Variants in PPP6R2 observed in about 807,000 individuals in gnomAD.
PPP6R2 encodes protein phosphatase 6 regulatory subunit 2.
Under a neutral mutation model 100.2 loss-of-function variants are expected in PPP6R2, and 62 were observed. The ratio of observed to expected loss-of-function variants is 0.62; its 90% CI spans 0.50 to 0.76. PPP6R2 has a LOEUF of 0.76. Among genes scored for constraint, PPP6R2 ranks in the 30% least tolerant of loss-of-function variants. PPP6R2 has a pLI of 0.00. For missense variants in PPP6R2, 1,142 were observed against 1,276.3 expected (o/e 0.89, Z 1.60); for synonymous variants, 525 against 514.7 (o/e 1.02, Z -0.27).
At chr22:50,422,101 C>T (rs1458385870) in intron 8 of PPP6R2, among the ~76,000 whole-genome samples, 153 bp from the exon 9 acceptor site, 3 of 152,152 alleles carry the variant, frequency 2.0e-5, no homozygotes, top group African/African-American at 2.4e-5. Context: ...CACCAGATCA[C>T]GTGTGGAGAC....
At chr22:50,339,001 GTA>G (rs1251155664), upstream of PPP6R2, among the ~76,000 whole-genome samples, 2 of 114,946 alleles carry the variant, frequency 1.7e-5, no homozygotes, top group African/African-American at 8.8e-5. Context: ...AGTATGTGTG[GTA>G]TGTGGTGTGT....
intron 4 of PPP6R2, among the ~76,000 whole-genome samples, chr22:50,411,797 G>A (rs571530114): frequency 5.7e-4 from 86 of 151,822 alleles, no homozygotes; most frequent in Non-Finnish European, 9.7e-4. Context: ...TGTAATCCCA[G>A]CACTTTGGGA....
chr22:50,369,612 C>T (rs2049549568), intron 1 of PPP6R2, among the ~76,000 whole-genome samples: 1 of 152,126 alleles, frequency 6.6e-6, no homozygotes, highest in African/African-American at 2.4e-5. Flanking sequence ...CTCCAGGGTT[C>T]AAGCAATTCT....
chr22:50,439,621 G>A lies in PPP6R2; in HGVS notation c.2129-80G>A, dbSNP rs530898808. On this transcript the variant is annotated intron_variant, in intron 19 of 23. Coordinates refer to ENST00000612753, the MANE Select transcript of PPP6R2 (RefSeq NM_001242898.2). ...TCCTGTCAACCTCTGAGGGGCTCCC[G>A]GGGCAGGGGCGCTGCCTCCCCTTTG... The A allele has an allele frequency of 1.1e-3, 1,564 of 1,426,070 alleles. 4 individuals carry two copies. Among genetic ancestry groups the A allele is most frequent in the Non-Finnish European group, 1.3e-3 (1,375 of 1,079,264 alleles). 88.3% of individuals were successfully genotyped at this position (1,426,070 alleles called of 1,614,324 possible). A position where few individuals can be genotyped will look rare whatever the true frequency, so the allele number is the denominator to read the frequency against.
At chr22:50,433,396 T>G (rs1603398469) in intron 12 of PPP6R2, among the ~76,000 whole-genome samples, 1 of 57,892 alleles carries the variant, frequency 1.7e-5, no homozygotes, top group Non-Finnish European at 3.4e-5. Flanking sequence ...GCTCTGGAGG[T>G]GAACCTGGAG....
chr22:50,350,663 G>A (rs1010795817), intron 1 of PPP6R2, among the ~76,000 whole-genome samples: 2 of 151,782 alleles, frequency 1.3e-5, no homozygotes, highest in African/African-American at 4.8e-5. Context: ...GGCTAACACG[G>A]TGAAACCCCG....
At chr22:50,429,711 C>T (rs747311237) in intron 10 of PPP6R2, among the ~76,000 whole-genome samples, 3 of 152,066 alleles carry the variant, frequency 2.0e-5, no homozygotes, top group Admixed American at 2.0e-4. Context: ...ACCTCATCGC[C>T]AGGAAAGGAA....
intron 2 of PPP6R2, among the ~76,000 whole-genome samples, chr22:50,383,119 T>C (rs2053480936): frequency 6.6e-6 from 1 of 152,180 alleles, no homozygotes. Flanking sequence ...ATTACAGGCA[T>C]AAGCCAGCAC....
chr22:50,406,621 T>C, intron 3 of PPP6R2, 68 bp from the exon 4 acceptor site: 1 of 1,452,042 alleles, frequency 6.9e-7, no homozygotes, highest in Non-Finnish European at 9.5e-7. Context: ...AAGCAGACTA[T>C]GTAAGCAGCT....
intron 1 of PPP6R2, among the ~76,000 whole-genome samples, chr22:50,346,541 C>T (rs1416785181): frequency 8.1e-6 from 1 of 122,824 alleles, no homozygotes; most frequent in Non-Finnish European, 1.7e-5. Context: ...TTCTGTTCCC[C>T]CACCCTACAC....
At chr22:50,409,367 T>C (rs2059422277) in intron 4 of PPP6R2, among the ~76,000 whole-genome samples, 1 of 152,198 alleles carries the variant, frequency 6.6e-6, no homozygotes, top group South Asian at 2.1e-4. Flanking sequence ...TTCTTCTATA[T>C]CTCTTTATTT....
upstream of PPP6R2, among the ~76,000 whole-genome samples, chr22:50,339,724 GTGTT>G (rs2042348080): frequency 7.1e-6 from 1 of 140,150 alleles, no homozygotes; most frequent in African/African-American, 2.7e-5. Flanking sequence ...TGTAGGGTGT[GTGTT>G]GTGTGTGTGG....
intron 2 of PPP6R2, among the ~76,000 whole-genome samples, chr22:50,374,849 T>C (rs1392852553): frequency 7.0e-6 from 1 of 141,970 alleles, no homozygotes; most frequent in African/African-American, 2.7e-5. Context: ...GGGAGATGGA[T>C]GTTGCAGTGA....
chr22:50,376,646 A>T (rs1025118318), intron 2 of PPP6R2, among the ~76,000 whole-genome samples: 2 of 151,866 alleles, frequency 1.3e-5, no homozygotes, highest in Non-Finnish European at 2.9e-5. Context: ...CTGGTCTTGA[A>T]TTCCTGGCTT....
At chr22:50,331,282 G>A in the PPP6R2 span, among the ~76,000 whole-genome samples, 20 of 152,068 alleles carry the variant, frequency 1.3e-4, no homozygotes, top group African/African-American at 4.3e-4. Flanking sequence ...TACAAGTCTC[G>A]GTGTGGACAC....
intron 6 of PPP6R2, among the ~76,000 whole-genome samples, chr22:50,417,188 G>A (rs1413426215): frequency 6.6e-6 from 1 of 152,116 alleles, no homozygotes; most frequent in Non-Finnish European, 1.5e-5. Flanking sequence ...GTCACAGATG[G>A]CTTGGCAGCA....
intron 4 of PPP6R2, among the ~76,000 whole-genome samples, chr22:50,409,669 G>C (rs975362412): frequency 1.3e-5 from 2 of 151,980 alleles, no homozygotes; most frequent in Non-Finnish European, 2.9e-5. Context: ...CTCGTGATCC[G>C]CCCACCTTGG....
intron 22 of PPP6R2, chr22:50,443,524 A>C: frequency 3.7e-6 from 1 of 267,884 alleles, no homozygotes; most frequent in Non-Finnish European, 7.1e-6. Flanking sequence ...AGGTTTCCCC[A>C]GACTGTGTCC....
At chr22:50,365,029 T>C (rs28482133) in intron 1 of PPP6R2, among the ~76,000 whole-genome samples, 73,104 of 151,104 alleles carry the variant, frequency 0.48, 18,972 homozygotes, top group African/African-American at 0.68. Context: ...TTCCATGTCT[T>C]TACTTAATCT....
Sources: gnomAD v4.1 joint callset for allele counts (sites outside exome capture counted in the v4.1 genomes callset) on GRCh38, gnomAD v4.1.1 for gene constraint, MANE v1.5 for transcripts, NCBI Gene and HGNC (gene_info 2026-07-23, HGNC 2026-07-21) for gene names.